DIAPH2: variants seen among roughly 807,000 people sequenced by gnomAD.
The protein encoded by DIAPH2 is diaphanous related formin 2, also known as protein diaphanous homolog 2.
Under a neutral mutation model 92.7 loss-of-function variants are expected in DIAPH2, and 35 were observed. That is an observed-to-expected ratio of 0.38 (90% CI 0.29 to 0.50). The LOEUF is 0.50. DIAPH2 is among the 20% of genes least tolerant of loss of function. DIAPH2 has a pLI of 0.94. For missense variants in DIAPH2, 701 were observed against 819.5 expected, an observed-to-expected ratio of 0.86 and a Z score of 1.77; for synonymous variants, 301 against 280.4, an observed-to-expected ratio of 1.07 and a Z score of -0.73.
intron 4 of DIAPH2, among the ~76,000 whole-genome samples, chrX:96,842,703 C>T (rs1330597755): frequency 9.0e-6 from 1 of 111,717 alleles, no homozygotes; most frequent in East Asian, 2.8e-4. Flanking sequence ...ACTCTTTCAC[C>T]TAGTAAATGG....
intron 22 of DIAPH2, among the ~76,000 whole-genome samples, chrX:97,243,499 G>T (rs954342461): frequency 7.2e-5 from 8 of 111,259 alleles, no homozygotes; most frequent in African/African-American, 2.6e-4. Flanking sequence ...CCCATGCAAA[G>T]ATAAACACTT....
intron 22 of DIAPH2, among the ~76,000 whole-genome samples, chrX:97,171,374 A>G (rs926092424): frequency 8.0e-5 from 9 of 112,180 alleles, no homozygotes; most frequent in African/African-American, 2.9e-4. Flanking sequence ...GCATATTCTT[A>G]AAGATTTTGA....
intron 25 of DIAPH2, among the ~76,000 whole-genome samples, chrX:97,424,802 T>G (rs948160682): frequency 1.3e-4 from 14 of 110,260 alleles, no homozygotes; most frequent in Non-Finnish European, 2.7e-4. Flanking sequence ...CTTTTGTATT[T>G]TTTGTAAAGA....
At chrX:97,462,729 CT>C (rs1184528472) in intron 26 of DIAPH2, among the ~76,000 whole-genome samples, 1 of 110,798 alleles carries the variant, frequency 9.0e-6, no homozygotes, top group Non-Finnish European at 1.9e-5. Context: ...ATTACTCATT[CT>C]TAAGACCTGT....
chrX:97,090,368 G>T (rs1288798352), intron 19 of DIAPH2, among the ~76,000 whole-genome samples: 2 of 89,070 alleles, frequency 2.2e-5, no homozygotes, highest in African/African-American at 8.6e-5. Context: ...GCTAGAAAGG[G>T]GTGCTCCCCT....
intron 23 of DIAPH2, among the ~76,000 whole-genome samples, chrX:97,319,547 C>T (rs917594743): frequency 2.7e-5 from 3 of 110,144 alleles, no homozygotes; most frequent in African/African-American, 9.9e-5. Flanking sequence ...CCACTGCACC[C>T]GGCTAATTTT....
At chrX:97,538,358 C>A (rs993483253) in intron 26 of DIAPH2, among the ~76,000 whole-genome samples, 3 of 111,301 alleles carry the variant, frequency 2.7e-5, no homozygotes, top group South Asian at 3.7e-4. Flanking sequence ...TCTATCATTT[C>A]TATACATAAT....
At chrX:96,696,019 A>T (rs909679841) in intron 1 of DIAPH2, among the ~76,000 whole-genome samples, 1 of 112,550 alleles carries the variant, frequency 8.9e-6, no homozygotes, top group Admixed American at 9.4e-5. Flanking sequence ...TATGCTATAC[A>T]GAGTTGAAAT....
At chrX:97,168,089 C>CT (rs59856390) in intron 22 of DIAPH2, among the ~76,000 whole-genome samples, 2,713 of 96,669 alleles carry the variant, frequency 0.028, 90 homozygotes, top group African/African-American at 0.086. Context: ...ATTAGACAGT[C>CT]TTTTTTTTTT....
At chrX:96,689,887 A>G (rs1391840475) in intron 1 of DIAPH2, among the ~76,000 whole-genome samples, 1 of 111,340 alleles carries the variant, frequency 9.0e-6, no homozygotes. Flanking sequence ...TATTCAGTAA[A>G]TAATTATTAG....
intron 22 of DIAPH2, among the ~76,000 whole-genome samples, chrX:97,195,786 AAAAAT>A (rs1162417538): frequency 7.2e-5 from 8 of 110,827 alleles, no homozygotes; most frequent in African/African-American, 2.6e-4. Context: ...GACATATTAA[AAAAAT>A]AAAAGGGAAG....
chrX:97,060,633 A>G (rs1438594330), intron 17 of DIAPH2, among the ~76,000 whole-genome samples: 1 of 111,754 alleles, frequency 8.9e-6, no homozygotes, highest in Non-Finnish European at 1.9e-5. Context: ...ATGCCTTTAT[A>G]AACAGTATAG....
intron 14 of DIAPH2, among the ~76,000 whole-genome samples, chrX:96,948,312 G>A (rs2065750651): frequency 8.9e-6 from 1 of 112,140 alleles, no homozygotes; most frequent in Non-Finnish European, 1.9e-5. Flanking sequence ...GGTGGCTCAC[G>A]CCTGTAATCC....
chrX:96,815,058 C>G (rs994646078), intron 4 of DIAPH2, among the ~76,000 whole-genome samples: 51 of 112,404 alleles, frequency 4.5e-4, no homozygotes, highest in Non-Finnish European at 1.7e-4. Flanking sequence ...AACCACTGCT[C>G]TCTTCAGAGC....
intron 22 of DIAPH2, among the ~76,000 whole-genome samples, chrX:97,160,002 C>A (rs868737230): frequency 9.2e-6 from 1 of 108,227 alleles, no homozygotes; most frequent in Admixed American, 1.0e-4. Context: ...AATCACAAGG[C>A]GCCAAGCAAG....
chrX:97,568,408 T>C (rs2071343040), intron 26 of DIAPH2, among the ~76,000 whole-genome samples: 1 of 108,515 alleles, frequency 9.2e-6, no homozygotes, highest in African/African-American at 3.4e-5. Context: ...ATAGAAGGAG[T>C]GTAAAATGGA....
chrX:96,727,604 C>T (rs2064027721), intron 1 of DIAPH2, among the ~76,000 whole-genome samples: 1 of 111,950 alleles, frequency 8.9e-6, no homozygotes, highest in Non-Finnish European at 1.9e-5. Flanking sequence ...TGTAGTTTCT[C>T]AATGAAGCTA....
intron 17 of DIAPH2, among the ~76,000 whole-genome samples, chrX:97,000,725 C>CAA (rs2066138207): frequency 9.0e-6 from 1 of 110,832 alleles, no homozygotes; most frequent in Non-Finnish European, 1.9e-5. Flanking sequence ...ATTATGAAAA[C>CAA]AAAAATTAGT....
At chrX:96,943,420 C>G (rs757142480) in intron 13 of DIAPH2, among the ~76,000 whole-genome samples, 1 of 111,327 alleles carries the variant, frequency 9.0e-6, no homozygotes, top group African/African-American at 3.2e-5. Context: ...TTTCAGAAAG[C>G]TTGTGCCAAT....
Sources: allele counts gnomAD v4.1 joint callset (sites outside exome capture counted in the v4.1 genomes callset), GRCh38; gene constraint gnomAD v4.1.1; transcripts MANE v1.5; gene names NCBI Gene and HGNC (gene_info 2026-07-23, HGNC 2026-07-21).